Variants in MRTFA observed in about 807,000 individuals in gnomAD.
MRTFA encodes myocardin related transcription factor A.
In MRTFA, 20 loss-of-function variants were observed where a neutral mutation model predicts 83.5. That is an observed-to-expected ratio of 0.24 (90% CI 0.17 to 0.35). The LOEUF (loss-of-function observed/expected upper bound fraction) is 0.35, where lower values mean the gene tolerates loss of function less well. Ranked by LOEUF, MRTFA falls within the 10% of genes least tolerant of loss-of-function variation. The pLI is 1.00. For missense variants in MRTFA, 1,200 were observed against 1,224.7 expected, an observed-to-expected ratio of 0.98 and a Z score of 0.30; for synonymous variants, 659 against 541.2, an observed-to-expected ratio of 1.22 and a Z score of -3.02.
chr22:40,510,662 AAAGGGGCCATACTTCT>A (rs1602360165), intron 3 of MRTFA, among the ~76,000 whole-genome samples: 1 of 152,142 alleles, frequency 6.6e-6, no homozygotes, highest in Non-Finnish European at 1.5e-5. Flanking sequence ...CCCCTGCTTT[AAAGGGGCCATACTTCT>A]AACAATGAGA....
In MRTFA at chr22:40,552,237, G is replaced by A. The variant is rs2055453287; in HGVS notation, c.110C>T (p.Ser37Phe). 4 of 399,082 alleles carry A rather than the reference G, an allele frequency of 1.0e-5. No homozygotes were observed. Among genetic ancestry groups the A allele is most frequent in the East Asian group, 7.1e-5 (2 of 28,084 alleles). 24.7% of individuals were successfully genotyped at this position (399,082 alleles called of 1,614,324 possible). The change falls in exon 3 of 15, where the codon TCT becomes TTT. Residue 37 changes from serine (S) to phenylalanine (F), a missense_variant. Ser to Phe is a radical substitution (Grantham distance 155). Around this residue, in one of 2 missense-constraint regions of MRTFA, gnomAD observed 93 missense variants for 182.9 expected, o/e 0.51. Coordinates refer to ENST00000355630, the MANE Select transcript of MRTFA (RefSeq NM_020831.6). The stretch of plus-strand genomic sequence containing the variant: ...TTCACTCTGGGGACTGGGTGCCGCA[G>A]ATAAGGACACGAGCACTGGTTCATC...
At chr22:40,595,296 G>T (rs574478286) in intron 1 of MRTFA, among the ~76,000 whole-genome samples, 36 of 150,744 alleles carry the variant, frequency 2.4e-4, no homozygotes, top group Admixed American at 2.3e-3. Flanking sequence ...ATTTTTTTTT[G>T]TATTTTAGTG....
chr22:40,416,456 C>G lies in MRTFA; in HGVS notation c.2578+530G>C, dbSNP rs1179645833. Among the ~76,000 whole-genome samples, 1 of 152,238 alleles carries G rather than the reference C, an allele frequency of 6.6e-6. No homozygotes were observed. Among genetic ancestry groups the G allele is most frequent in the African/African-American group, 2.4e-5 (1 of 41,450 alleles). ...TCCCACACAATGGAGCCAAAGCCAC[C>G]CTGCCCTGGTGCCCAGGAGGCCACG... is the stretch of plus-strand genomic sequence containing the variant. On this transcript the variant is annotated intron_variant, in intron 14 of 14. Transcript: ENST00000355630. This position sits in a 1 kb window ranked among gnomAD's most constrained non-coding sequence, Gnocchi z 4.2.
chr22:40,509,586 T>A (rs930072918), intron 3 of MRTFA, among the ~76,000 whole-genome samples: 2 of 152,200 alleles, frequency 1.3e-5, no homozygotes, highest in Non-Finnish European at 2.9e-5. Flanking sequence ...ACCACACAAC[T>A]GAAAAGCTAA....
At chr22:40,547,867 A>G (rs2055390062) in intron 3 of MRTFA, among the ~76,000 whole-genome samples, 1 of 151,576 alleles carries the variant, frequency 6.6e-6, no homozygotes, top group Non-Finnish European at 1.5e-5. Flanking sequence ...AAAAAAAAAA[A>G]AAAAGAAAAA....
chr22:40,518,568 C>G (rs1461257555), intron 3 of MRTFA, among the ~76,000 whole-genome samples: 1 of 151,658 alleles, frequency 6.6e-6, no homozygotes, highest in African/African-American at 2.4e-5. Context: ...CCGAGGTGGG[C>G]GGATCACAAA....
At chr22:40,427,291 T>C (rs1033945773) in intron 7 of MRTFA, among the ~76,000 whole-genome samples, 1 of 152,138 alleles carries the variant, frequency 6.6e-6, no homozygotes, top group African/African-American at 2.4e-5. Flanking sequence ...TAAGAGCTAC[T>C]GTATCAACAT....
At chr22:40,488,452 G>A (rs1045336725) in intron 3 of MRTFA, among the ~76,000 whole-genome samples, 1 of 152,098 alleles carries the variant, frequency 6.6e-6, no homozygotes, top group Non-Finnish European at 1.5e-5. Flanking sequence ...AGCTACTTGG[G>A]GAGGCTGACA....
intron 3 of MRTFA, among the ~76,000 whole-genome samples, chr22:40,527,443 T>C (rs2054996177): frequency 6.6e-6 from 1 of 151,880 alleles, no homozygotes; most frequent in South Asian, 2.1e-4. Flanking sequence ...CTTGTCGTTA[T>C]AAAGAAAATC....
Position 40,418,969 on chromosome 22 carries a change from T to C in MRTFA, c.1769A>G (p.Gln590Arg). The change falls in exon 12 of 15, where the codon CAG (glutamine) becomes CGG (arginine). Residue 590 changes from glutamine (Q) to arginine (R), a missense_variant. Coordinates refer to ENST00000355630, the MANE Select transcript of MRTFA (RefSeq NM_020831.6). ...CACGAGGATCTGCAGTGGCGAGGCCTGCAGGGTCAGCTGCGTCAGAGGTGA... is the reference window on the plus strand; with the variant it reads ...CACGAGGATCTGCAGTGGCGAGGCCCGCAGGGTCAGCTGCGTCAGAGGTGA... 1 of 1,612,858 alleles carries C rather than the reference T, an allele frequency of 6.2e-7. No homozygotes were observed. Among genetic ancestry groups the C allele is most frequent in the Non-Finnish European group, 8.5e-7 (1 of 1,179,918 alleles).
chr22:40,423,342 C>T (rs552703771), intron 9 of MRTFA, among the ~76,000 whole-genome samples, 194 bp downstream of exon 9: 13 of 152,214 alleles, frequency 8.5e-5, no homozygotes, highest in South Asian at 6.2e-4. Context: ...CCCATAGCCA[C>T]GAATAATTGG....
At chr22:40,536,313 T>A (rs1179877813) in intron 3 of MRTFA, among the ~76,000 whole-genome samples, 1 of 151,364 alleles carries the variant, frequency 6.6e-6, no homozygotes, top group African/African-American at 2.4e-5. Flanking sequence ...AATAAATAAA[T>A]AAATGGGCCG....
At chr22:40,436,783 T>C (rs1303205567) in intron 4 of MRTFA, among the ~76,000 whole-genome samples, 1 of 152,204 alleles carries the variant, frequency 6.6e-6, no homozygotes, top group African/African-American at 2.4e-5. Context: ...TGCCCTAGAA[T>C]TTCCAAAGAG....
At chr22:40,584,602 G>C (rs1168997884) in intron 2 of MRTFA, among the ~76,000 whole-genome samples, 1 of 152,074 alleles carries the variant, frequency 6.6e-6, no homozygotes. Flanking sequence ...CGGGTGTGGT[G>C]GCACATGCCT....
chr22:40,417,055 C>T lies in MRTFA; in HGVS notation c.2518-9G>A. On this transcript the variant is annotated splice_polypyrimidine_tract_variant and intron_variant, in intron 13 of 14. Coordinates refer to ENST00000355630, the MANE Select transcript of MRTFA (RefSeq NM_020831.6). Reference sequence around the variant, plus strand: ...CTTGAGGAACCATTTTCCTGTGGGACAAAGGAAAAAAAAAAAAGAGATAAA... The same window carrying T: ...CTTGAGGAACCATTTTCCTGTGGGATAAAGGAAAAAAAAAAAAGAGATAAA... 6.4e-7 allele frequency: 1 copy of T among 1,562,448 alleles called. No homozygotes were observed. The highest frequency in any genetic ancestry group is 8.7e-7 in the Non-Finnish European group (1 of 1,154,842).
chr22:40,547,255 G>A (rs1035572039), intron 3 of MRTFA, among the ~76,000 whole-genome samples: 2 of 151,866 alleles, frequency 1.3e-5, no homozygotes, highest in African/African-American at 4.8e-5. Flanking sequence ...TAAAGTTTCT[G>A]CCCTCAGGAA....
rs61206773 is a variant in MRTFA at position 40,471,219 on chromosome 22, TAAAAAAAAAAAAA to T, written c.242-7946_242-7934del. Reference sequence around the variant, plus strand: ...CAACATGACAAAGCCCTGTTTCTATTAAAAAAAAAAAAAAAAAAAAAAAAAAAACAAGAATTAG... The same window carrying T: ...CAACATGACAAAGCCCTGTTTCTATTAAAAAAAAAAAAAAACAAGAATTAG... On this transcript the variant is annotated intron_variant, in intron 3 of 14. Coordinates refer to ENST00000355630, the MANE Select transcript of MRTFA (RefSeq NM_020831.6). Among the ~76,000 whole-genome samples, 32 of 42,698 alleles carry T rather than the reference TAAAAAAAAAAAAA, an allele frequency of 7.5e-4. 1 individual carries two copies. Among genetic ancestry groups the T allele is most frequent in the Middle Eastern group, 0.013 (1 of 80 alleles). 28.0% of individuals were successfully genotyped at this position (42,698 alleles called of 152,430 possible). A position where few individuals can be genotyped will look rare whatever the true frequency, so the allele number is the denominator to read the frequency against.
intron 3 of MRTFA, among the ~76,000 whole-genome samples, chr22:40,501,876 C>T (rs2054484347): frequency 1.6e-5 from 1 of 63,626 alleles, no homozygotes; most frequent in Admixed American, 1.2e-4. Flanking sequence ...ACCTCCCTCC[C>T]GGACGGGGCG....
At chr22:40,534,730 C>G (rs2055138251) in intron 3 of MRTFA, among the ~76,000 whole-genome samples, 2 of 152,208 alleles carry the variant, frequency 1.3e-5, no homozygotes. Context: ...TTCAGTCTAT[C>G]TGACTGAATT....
Sources: gnomAD v4.1 joint callset for allele counts (sites outside exome capture counted in the v4.1 genomes callset) on GRCh38, gnomAD v4.1.1 for gene constraint, gnomAD v4.1.1 regional missense constraint, Gnocchi (gnomAD v3.1) non-coding constraint, MANE v1.5 for transcripts, NCBI Gene and HGNC (gene_info 2026-07-23, HGNC 2026-07-21) for gene names.